The following SMIM36 variants were observed in gnomAD, a reference collection of about 807,000 sequenced individuals.
SMIM36 encodes the protein small integral membrane protein 36.
At chr17:55,528,843 A>G in the SMIM36 span, among the ~76,000 whole-genome samples, 1 of 152,148 alleles carries the variant, frequency 6.6e-6, no homozygotes, top group Non-Finnish European at 1.5e-5. Context: ...GAGCCACTGC[A>G]CCAGCCTCAA....
chr17:55,476,589 G>A (rs943205447), intron 3 of SMIM36, among the ~76,000 whole-genome samples: 14 of 150,618 alleles, frequency 9.3e-5, no homozygotes, highest in African/African-American at 2.7e-4. Context: ...TGTTTGTTTA[G>A]ACAGAGTCTC....
intron 1 of SMIM36, among the ~76,000 whole-genome samples, chr17:55,489,246 T>G (rs967759440): frequency 3.9e-5 from 6 of 151,930 alleles, no homozygotes; most frequent in African/African-American, 1.5e-4. Context: ...AGCGTGGTGG[T>G]GCATGCCTGT....
upstream of SMIM36, among the ~76,000 whole-genome samples, chr17:55,514,202 T>A (rs1910228620): frequency 6.6e-6 from 1 of 152,112 alleles, no homozygotes; most frequent in South Asian, 2.1e-4. Flanking sequence ...TGCCATCTAG[T>A]GGCCAAAGCA....
chr17:55,460,228 G>T (rs1030335599), intron 4 of SMIM36, among the ~76,000 whole-genome samples: 4 of 151,898 alleles, frequency 2.6e-5, no homozygotes, highest in African/African-American at 9.7e-5. Flanking sequence ...AGGAGTTCAA[G>T]ACCAGCCTGG....
intron 4 of SMIM36, among the ~76,000 whole-genome samples, chr17:55,456,987 G>C (rs1909035997): frequency 6.6e-6 from 1 of 152,172 alleles, no homozygotes; most frequent in Non-Finnish European, 1.5e-5. Flanking sequence ...AGTGATTTCA[G>C]ATTTCCTGTG....
chr17:55,491,091 C>A (rs1909695661), intron 1 of SMIM36, among the ~76,000 whole-genome samples: 1 of 151,680 alleles, frequency 6.6e-6, no homozygotes, highest in Non-Finnish European at 1.5e-5. Context: ...CGCATCTCTA[C>A]AAAACATTAG....
intron 3 of SMIM36, among the ~76,000 whole-genome samples, chr17:55,471,282 A>C (rs928870808): frequency 3.3e-5 from 5 of 152,076 alleles, no homozygotes; most frequent in Non-Finnish European, 5.9e-5. Flanking sequence ...TCTGCCTCCC[A>C]TCTTATTCAA....
At chr17:55,513,956 G>T (rs754405936), upstream of SMIM36, among the ~76,000 whole-genome samples, 2 of 152,108 alleles carry the variant, frequency 1.3e-5, no homozygotes, top group Non-Finnish European at 2.9e-5. Flanking sequence ...CAAGGCTATT[G>T]TCTTTGGTTC....
upstream of SMIM36, among the ~76,000 whole-genome samples, chr17:55,514,438 A>G (rs369143373): frequency 6.6e-6 from 1 of 152,230 alleles, no homozygotes; most frequent in Admixed American, 6.5e-5. Context: ...AGCACACTGT[A>G]TAACAAATGT....
intron 4 of SMIM36, among the ~76,000 whole-genome samples, chr17:55,457,419 C>A (rs1909043522): frequency 1.4e-5 from 2 of 143,884 alleles, no homozygotes; most frequent in African/African-American, 5.2e-5. Flanking sequence ...CTATTGCACT[C>A]CAGCTTGGGT....
chr17:55,489,238 C>T (rs113866957), intron 1 of SMIM36, among the ~76,000 whole-genome samples: 12,086 of 152,028 alleles, frequency 0.079, 534 homozygotes, highest in South Asian at 0.15. Context: ...ATTAGCTAAG[C>T]GTGGTGGTGC....
intron 4 of SMIM36, among the ~76,000 whole-genome samples, chr17:55,455,978 T>C (rs1445324838): frequency 1.3e-5 from 2 of 151,010 alleles, no homozygotes; most frequent in Non-Finnish European, 3.0e-5. Flanking sequence ...ATTAGCTGAG[T>C]GTGGTAGGAC....
At chr17:55,481,098 C>G (rs1032879257) in intron 1 of SMIM36, among the ~76,000 whole-genome samples, 1 of 151,346 alleles carries the variant, frequency 6.6e-6, no homozygotes. Flanking sequence ...CTCTCTCTCT[C>G]CCTCTCTCTC....
the SMIM36 span, among the ~76,000 whole-genome samples, chr17:55,522,670 G>C: frequency 6.6e-6 from 1 of 152,164 alleles, no homozygotes; most frequent in African/African-American, 2.4e-5. Flanking sequence ...TACAATTTGA[G>C]GTGAGGTTTG....
intron 3 of SMIM36, among the ~76,000 whole-genome samples, chr17:55,470,230 T>C (rs1384323682): frequency 6.6e-6 from 1 of 152,152 alleles, no homozygotes; most frequent in South Asian, 2.1e-4. Flanking sequence ...CCCAAGACTC[T>C]CTGACTGACT....
At chr17:55,486,683 C>T (rs8076617) in intron 1 of SMIM36, among the ~76,000 whole-genome samples, 34,961 of 151,884 alleles carry the variant, frequency 0.23, 4,421 homozygotes, top group Non-Finnish European at 0.28. Context: ...TGCATCGTGC[C>T]CTACCTTATA....
At chr17:55,461,149 G>A (rs1278393861) in intron 4 of SMIM36, among the ~76,000 whole-genome samples, 1 of 152,032 alleles carries the variant, frequency 6.6e-6, no homozygotes, top group East Asian at 1.9e-4. Flanking sequence ...TTAGACTTTG[G>A]GAAAAAATCT....
intron 1 of SMIM36, among the ~76,000 whole-genome samples, chr17:55,482,277 T>C (rs1909533667): frequency 6.6e-6 from 1 of 152,140 alleles, no homozygotes; most frequent in African/African-American, 2.4e-5. Context: ...TCAATTATCT[T>C]ATACTCCCAC....
intron 4 of SMIM36, among the ~76,000 whole-genome samples, chr17:55,463,550 C>G (rs1245496599): frequency 6.6e-6 from 1 of 151,788 alleles, no homozygotes; most frequent in East Asian, 1.9e-4. Context: ...GACCCTGTTT[C>G]TAAATAATAA....
Sources: allele counts gnomAD v4.1 joint callset (sites outside exome capture counted in the v4.1 genomes callset), GRCh38; gene constraint gnomAD v4.1.1; transcripts MANE v1.5; gene names NCBI Gene and HGNC (gene_info 2026-07-23, HGNC 2026-07-21).